The following PRKCZ variants were observed in gnomAD, a reference collection of about 807,000 sequenced individuals.
PRKCZ encodes protein kinase C zeta.
A neutral mutation model predicts 79.5 loss-of-function variants in PRKCZ; 33 were observed. That is an observed-to-expected ratio of 0.41 (90% CI 0.31 to 0.55). The LOEUF is 0.55. PRKCZ is among the 20% of genes least tolerant of loss of function. The pLI, the probability that PRKCZ is intolerant of heterozygous loss-of-function variation, is 0.19. For missense variants in PRKCZ, 578 were observed against 813.5 expected (o/e 0.71, Z 3.52); for synonymous variants, 342 against 320.9 (o/e 1.07, Z -0.70).
At chr1:2,155,207 G>A (rs1422271527) in intron 9 of PRKCZ, among the ~76,000 whole-genome samples, 2 of 152,004 alleles carry the variant, frequency 1.3e-5, no homozygotes, top group Admixed American at 6.5e-5. Flanking sequence ...TGTTGATGAT[G>A]GCGGTGATGA....
At chr1:2,106,584 C>T (rs145781230) in intron 4 of PRKCZ, among the ~76,000 whole-genome samples, 252 of 23,978 alleles carry the variant, frequency 0.011, 42 homozygotes, top group Middle Eastern at 0.019. Context: ...CAAGCCCCTC[C>T]AGTGGGCGAG....
chr1:2,073,890 C>A, intron 4 of PRKCZ: 1 of 1,236,832 alleles, frequency 8.1e-7, no homozygotes, highest in East Asian at 4.3e-5. Context: ...GCGCACAGAG[C>A]ATAAAGAATC....
At chr1:2,153,978 C>T (rs1175288376) in intron 9 of PRKCZ, among the ~76,000 whole-genome samples, 28 of 152,240 alleles carry the variant, frequency 1.8e-4, no homozygotes, top group Admixed American at 1.6e-3. Context: ...GATTCTGCAG[C>T]GCCAGCCCCA....
chr1:2,114,655 TC>T (rs1670380515), intron 4 of PRKCZ, among the ~76,000 whole-genome samples: 1 of 152,062 alleles, frequency 6.6e-6, no homozygotes, highest in Non-Finnish European at 1.5e-5. Flanking sequence ...ACACCTGTAG[TC>T]CCAGCTGCTC....
Position 2,082,331 on chromosome 1 carries a change from C to T in PRKCZ, c.334+22740C>T. ...GAGCGGCTGTTCAAGATGGACTTGG[C>T]AAATCACCTCTTTCAAGTTGCCGGC... On this transcript the variant is annotated intron_variant, in intron 4 of 17. Coordinates refer to ENST00000378567, the MANE Select transcript of PRKCZ (RefSeq NM_002744.6). The surrounding 1 kb of genome is among the most constrained non-coding windows in gnomAD (Gnocchi z 4.4). The T allele has an allele frequency of 4.4e-6, 2 of 454,636 alleles. No homozygotes were observed. The highest frequency in any genetic ancestry group is 1.6e-5 in the South Asian group (1 of 64,328). 28.2% of individuals were successfully genotyped at this position (454,636 alleles called of 1,614,324 possible). A position where few individuals can be genotyped will look rare whatever the true frequency, so the allele number is the denominator to read the frequency against.
At chr1:2,101,935 G>A (rs3107137) in intron 4 of PRKCZ, among the ~76,000 whole-genome samples, 92,294 of 151,914 alleles carry the variant, frequency 0.61, 30,305 homozygotes, top group East Asian at 0.95. Flanking sequence ...TGTGATAGGA[G>A]CCAGGCATGG....
chr1:2,104,378 C>CAAAAA (rs1491457973), intron 4 of PRKCZ, among the ~76,000 whole-genome samples: 1 of 152,174 alleles, frequency 6.6e-6, no homozygotes, highest in Non-Finnish European at 1.5e-5. Context: ...GTTGGATAGA[C>CAAAAA]GCCAGTGCTT....
intron 4 of PRKCZ, among the ~76,000 whole-genome samples, chr1:2,093,754 G>C (rs1357862659): frequency 6.6e-6 from 1 of 152,202 alleles, no homozygotes; most frequent in Non-Finnish European, 1.5e-5. Context: ...GAACCCCAGG[G>C]CCTCACAGAG....
At chr1:2,097,017 C>T (rs929451884) in intron 4 of PRKCZ, among the ~76,000 whole-genome samples, 6 of 152,230 alleles carry the variant, frequency 3.9e-5, no homozygotes, top group African/African-American at 9.6e-5. Flanking sequence ...GCAAGGTCCA[C>T]GCAGCCCTTT....
intron 16 of PRKCZ, among the ~76,000 whole-genome samples, chr1:2,183,099 C>T (rs976608075): frequency 4.6e-5 from 7 of 152,144 alleles, no homozygotes; most frequent in African/African-American, 9.7e-5. Flanking sequence ...GGCGTGGTGG[C>T]GGGCGCCTGT....
chr1:2,095,922 C>G (rs962985294), intron 4 of PRKCZ, among the ~76,000 whole-genome samples: 4 of 132,842 alleles, frequency 3.0e-5, no homozygotes, highest in Non-Finnish European at 4.8e-5. Flanking sequence ...CCTCTCCCCT[C>G]CCTTCCCCTC....
rs1674098460 is a variant in PRKCZ at position 2,127,255 on chromosome 1, T to C, written c.335-8007T>C. ...GTCTTCTGTGACTTTAGTGTTATTC[T>C]TCAGTCACCTTTAAAAGCATAGCAT... On this transcript the variant is annotated intron_variant, in intron 4 of 17. Coordinates refer to ENST00000378567, the MANE Select transcript of PRKCZ (RefSeq NM_002744.6). This position sits in a 1 kb window ranked among gnomAD's most constrained non-coding sequence, Gnocchi z 5.1. Among the ~76,000 whole-genome samples the C allele has an allele frequency of 6.6e-6, 1 of 152,270 alleles. No homozygotes were observed. The highest frequency in any genetic ancestry group is 1.5e-5 in the Non-Finnish European group (1 of 68,052).
At chr1:2,119,601 G>C (rs552480801) in intron 4 of PRKCZ, among the ~76,000 whole-genome samples, 2 of 152,040 alleles carry the variant, frequency 1.3e-5, no homozygotes, top group African/African-American at 4.8e-5. Context: ...AATTCTACGT[G>C]TATTTCAGAC....
At chr1:2,152,157 T>C (rs188129375) in intron 9 of PRKCZ, among the ~76,000 whole-genome samples, 2 of 152,330 alleles carry the variant, frequency 1.3e-5, no homozygotes, top group East Asian at 3.9e-4. Flanking sequence ...GGCCTGTTTG[T>C]TGAAATCTTA....
intron 4 of PRKCZ, among the ~76,000 whole-genome samples, chr1:2,085,936 C>T (rs962429958): frequency 2.0e-5 from 3 of 152,208 alleles, no homozygotes; most frequent in Admixed American, 1.3e-4. Context: ...GCTCCCTTCT[C>T]CTGTCTGGGT....
chr1:2,159,425 G>A (rs1681782589), intron 10 of PRKCZ, among the ~76,000 whole-genome samples: 1 of 152,260 alleles, frequency 6.6e-6, no homozygotes, highest in Non-Finnish European at 1.5e-5. Context: ...GCCCCTTGCT[G>A]AGGGCCAGGT....
chr1:2,050,481 C>T lies in PRKCZ; in HGVS notation c.-150C>T, dbSNP rs887318015. ...CGCCCCCCGCTCCCGCCCCGCGCGC[C>T]GCCGGAGTTCCGCGGAGTTGACCGG... On this transcript the variant is annotated 5_prime_UTR_variant, in exon 1 of 18. Coordinates refer to ENST00000378567, the MANE Select transcript of PRKCZ (RefSeq NM_002744.6). 13 of 319,314 alleles carry T rather than the reference C, an allele frequency of 4.1e-5. No homozygotes were observed. Among genetic ancestry groups the T allele is most frequent in the African/African-American group, 1.8e-4 (8 of 44,936 alleles). The allele number at this position is 319,314 out of a possible 1,614,324, so 19.8% of individuals were successfully genotyped here.
chr1:2,171,053 G>A (rs148624033), intron 11 of PRKCZ, among the ~76,000 whole-genome samples: 105 of 152,252 alleles, frequency 6.9e-4, no homozygotes, highest in African/African-American at 2.1e-3. Context: ...TATTTAGGCC[G>A]GGCGTGGTGG....
At chr1:2,091,854 C>T (rs980311278) in intron 4 of PRKCZ, among the ~76,000 whole-genome samples, 1 of 152,144 alleles carries the variant, frequency 6.6e-6, no homozygotes, top group African/African-American at 2.4e-5. Flanking sequence ...GACAGATGCG[C>T]GTCCTGTGTT....
Sources: allele counts gnomAD v4.1 joint callset (sites outside exome capture counted in the v4.1 genomes callset), GRCh38; gene constraint gnomAD v4.1.1; non-coding constraint Gnocchi (gnomAD v3.1); transcripts MANE v1.5; gene names NCBI Gene and HGNC (gene_info 2026-07-23, HGNC 2026-07-21).